The following VTI1A variants were observed in gnomAD, a reference collection of about 807,000 sequenced individuals.
The protein encoded by VTI1A is vesicle transport through interaction with t-SNAREs homolog 1A.
In VTI1A, 22 loss-of-function variants were observed where a neutral mutation model predicts 34.9. That is an observed-to-expected ratio of 0.63 (90% CI 0.45 to 0.90). VTI1A has a LOEUF of 0.90. Among genes scored for constraint, VTI1A ranks in the 40% least tolerant of loss-of-function variants. The pLI is 0.00. For synonymous variants in VTI1A, 87 were observed against 97.3 expected (o/e 0.89, Z 0.62); for missense variants, 268 against 275.6 (o/e 0.97, Z 0.20).
chr10:112,764,967 A>T (rs552254906), intron 7 of VTI1A, among the ~76,000 whole-genome samples: 90 of 152,342 alleles, frequency 5.9e-4, no homozygotes, highest in African/African-American at 2.1e-3. Flanking sequence ...CATTTTCAAA[A>T]TGATGACAAA....
intron 5 of VTI1A, among the ~76,000 whole-genome samples, chr10:112,575,364 G>A (rs552356724): frequency 6.6e-6 from 1 of 152,220 alleles, no homozygotes; most frequent in South Asian, 2.1e-4. Context: ...TATAATCTTT[G>A]TAGCTGTTTT....
Position 112,817,285 on chromosome 10 carries a change from A to G in VTI1A, c.*1902A>G, listed in dbSNP as rs1853551844. The stretch of plus-strand genomic sequence containing the variant: ...TGCACTTCGCACGGCCATCCCGTCC[A>G]CAATGCAGCAGACTCTTCCCAAGGC... On this transcript the variant is annotated 3_prime_UTR_variant, in exon 8 of 8. Coordinates refer to ENST00000393077, the MANE Select transcript of VTI1A (RefSeq NM_145206.4). 3 of 232,410 alleles carry G rather than the reference A, an allele frequency of 1.3e-5. No individual in the cohort carries two copies. The highest frequency in any genetic ancestry group is 5.6e-5 in the Admixed American group (1 of 17,750). 14.4% of individuals were successfully genotyped at this position (232,410 alleles called of 1,614,324 possible). A position where few individuals can be genotyped will look rare whatever the true frequency, so the allele number is the denominator to read the frequency against.
intron 7 of VTI1A, among the ~76,000 whole-genome samples, chr10:112,718,753 C>A (rs1849693147): frequency 6.6e-6 from 1 of 152,114 alleles, no homozygotes; most frequent in Non-Finnish European, 1.5e-5. Flanking sequence ...AGGAATAATG[C>A]TGAAAATAAG....
intron 5 of VTI1A, among the ~76,000 whole-genome samples, chr10:112,560,240 G>C (rs1268498622): frequency 6.6e-6 from 1 of 152,188 alleles, no homozygotes; most frequent in African/African-American, 2.4e-5. Flanking sequence ...GGTCTTTAGA[G>C]TACTTACTAG....
chr10:112,641,105 G>A (rs1402956588), intron 5 of VTI1A, among the ~76,000 whole-genome samples: 2 of 150,830 alleles, frequency 1.3e-5, no homozygotes, highest in East Asian at 2.0e-4. Context: ...CTGAGAGGGG[G>A]TGTAGTTGGG....
At chr10:112,455,907 A>G (rs1406567391) in intron 1 of VTI1A, among the ~76,000 whole-genome samples, 1 of 152,152 alleles carries the variant, frequency 6.6e-6, no homozygotes, top group African/African-American at 2.4e-5. Flanking sequence ...TTGTCATTTC[A>G]AATGGGAAGA....
At chr10:112,537,177 T>C (rs1850659714) in intron 4 of VTI1A, among the ~76,000 whole-genome samples, 1 of 151,718 alleles carries the variant, frequency 6.6e-6, no homozygotes, top group Non-Finnish European at 1.5e-5. Flanking sequence ...GGTTGTGTTT[T>C]TTCTTTCTTT....
At chr10:112,500,666 TA>T (rs1032481172) in intron 3 of VTI1A, among the ~76,000 whole-genome samples, 4 of 152,160 alleles carry the variant, frequency 2.6e-5, no homozygotes, top group Non-Finnish European at 5.9e-5. Context: ...CTCCCTCCTG[TA>T]GGCATCTGAG....
chr10:112,539,943 T>C (rs1309558589), intron 5 of VTI1A, among the ~76,000 whole-genome samples: 1 of 152,180 alleles, frequency 6.6e-6, no homozygotes, highest in Non-Finnish European at 1.5e-5. Context: ...ATGTGTTACT[T>C]TGACAATCCT....
At chr10:112,481,008 A>G (rs1452172885) in intron 3 of VTI1A, among the ~76,000 whole-genome samples, 1 of 152,194 alleles carries the variant, frequency 6.6e-6, no homozygotes. Flanking sequence ...TGAGCAGCTC[A>G]GCCTTTATCT....
chr10:112,686,478 C>T (rs947282632), intron 7 of VTI1A, among the ~76,000 whole-genome samples: 37 of 152,298 alleles, frequency 2.4e-4, no homozygotes, highest in African/African-American at 8.7e-4. Context: ...TAGCCCTACC[C>T]TTGGGCCTGT....
intron 6 of VTI1A, 144 bp from the exon 7 acceptor site, chr10:112,668,793 T>G: frequency 1.2e-6 from 1 of 831,384 alleles, no homozygotes; most frequent in Non-Finnish European, 1.8e-6. Context: ...CAAGTTTGTG[T>G]AGCTGTCAGA....
At position 112,554,578 on chromosome 10, in the gene VTI1A, G is replaced by A. The variant is rs188529391; in HGVS notation, c.427+16248G>A. Among the ~76,000 whole-genome samples, 283 of 152,226 alleles carry A rather than the reference G, an allele frequency of 1.9e-3. 1 individual carries two copies. The highest frequency in any genetic ancestry group is 6.4e-3 in the African/African-American group (267 of 41,558). ...AAGTTTATTTCAACAAAAGGACATTGCAATCACAGTAGTCTTCATATTTAT... is the reference window on the plus strand; with the variant it reads ...AAGTTTATTTCAACAAAAGGACATTACAATCACAGTAGTCTTCATATTTAT... On this transcript the variant is annotated intron_variant, in intron 5 of 7. Transcript: ENST00000393077.
intron 7 of VTI1A, among the ~76,000 whole-genome samples, chr10:112,752,814 C>T (rs993123642): frequency 1.3e-5 from 2 of 152,184 alleles, no homozygotes; most frequent in East Asian, 3.9e-4. Context: ...ATTGGGGTTA[C>T]AGTGGCTTGG....
In VTI1A at chr10:112,762,087, A is replaced by G. The variant is rs187181410; in HGVS notation, c.561-53203A>G. ...TTTTATTTAAAATCTCTCTTAAATA[A>G]AAATGGATGGGAAAGCTTTGTTGCT... On this transcript the variant is annotated intron_variant, in intron 7 of 7. Coordinates refer to ENST00000393077, the MANE Select transcript of VTI1A (RefSeq NM_145206.4). Among the ~76,000 whole-genome samples, 9 of 152,300 alleles carry G rather than the reference A, an allele frequency of 5.9e-5. No individual in the cohort carries two copies. The East Asian group carries it at 1.5e-3, about 26-fold the overall frequency.
chr10:112,577,246 G>A (rs760582292), intron 5 of VTI1A, among the ~76,000 whole-genome samples: 1 of 152,126 alleles, frequency 6.6e-6, no homozygotes, highest in Non-Finnish European at 1.5e-5. Flanking sequence ...ACATCTAGGG[G>A]TTAGGGCTTC....
intron 5 of VTI1A, among the ~76,000 whole-genome samples, chr10:112,564,093 A>C (rs1851820057): frequency 6.6e-6 from 1 of 152,004 alleles, no homozygotes; most frequent in African/African-American, 2.4e-5. Flanking sequence ...TGAGTGGAAA[A>C]ATTTCAATTT....
At chr10:112,757,994 G>A (rs186964384) in intron 7 of VTI1A, among the ~76,000 whole-genome samples, 370 of 152,226 alleles carry the variant, frequency 2.4e-3, no homozygotes, top group Non-Finnish European at 3.3e-3. Context: ...ACAATTTTTC[G>A]TGATTATAAA....
At chr10:112,591,466 G>T (rs1351461441) in intron 5 of VTI1A, among the ~76,000 whole-genome samples, 3 of 152,112 alleles carry the variant, frequency 2.0e-5, no homozygotes, top group Non-Finnish European at 2.9e-5. Flanking sequence ...CTTGCAGTGA[G>T]CAGAGATCGC....
Sources: gnomAD v4.1 joint callset for allele counts (sites outside exome capture counted in the v4.1 genomes callset) on GRCh38, gnomAD v4.1.1 for gene constraint, MANE v1.5 for transcripts, NCBI Gene and HGNC (gene_info 2026-07-23, HGNC 2026-07-21) for gene names.